The following TBC1D5 variants were observed in gnomAD, a reference collection of about 807,000 sequenced individuals.
TBC1D5 encodes the protein TBC1 domain family member 5, also known as TBC1 domain family, member 5.
TBC1D5 carries 75 observed loss-of-function variants against 100.3 expected under a neutral mutation model. The observed-to-expected ratio is 0.75, with a 90% CI of 0.62 to 0.91. The LOEUF (loss-of-function observed/expected upper bound fraction) is 0.91. Among genes scored for constraint, TBC1D5 ranks in the 40% least tolerant of loss-of-function variants. The probability of loss-of-function intolerance (pLI) is 0.00; values close to 1 mark genes in which losing one functional copy is unlikely to be tolerated. For missense variants in TBC1D5, 910 were observed against 942.4 expected (o/e 0.97, Z 0.45); for synonymous variants, 323 against 325.6 (o/e 0.99, Z 0.09).
At chr3:17,603,285 T>C (rs1375193405) in intron 2 of TBC1D5, among the ~76,000 whole-genome samples, 4 of 151,904 alleles carry the variant, frequency 2.6e-5, no homozygotes, top group Admixed American at 2.0e-4. Context: ...GACAGGAGTT[T>C]GGCAGGACTG....
At chr3:17,438,565 T>G (rs2094579614) in intron 3 of TBC1D5, among the ~76,000 whole-genome samples, 1 of 152,220 alleles carries the variant, frequency 6.6e-6, no homozygotes, top group Non-Finnish European at 1.5e-5. Flanking sequence ...ATGTTTGCTT[T>G]GCCTTCCACC....
chr3:17,180,122 C>T (rs1320823863), intron 19 of TBC1D5, among the ~76,000 whole-genome samples: 2 of 152,162 alleles, frequency 1.3e-5, no homozygotes, highest in Non-Finnish European at 2.9e-5. Context: ...GAAAAATCAA[C>T]ATGTAAAAAA....
chr3:17,539,725 A>G (rs541379089), intron 2 of TBC1D5, among the ~76,000 whole-genome samples: 1 of 152,322 alleles, frequency 6.6e-6, no homozygotes, highest in East Asian at 1.9e-4. Context: ...TCATTCAGAC[A>G]ATTAAGAAGC....
chr3:17,718,074 C>G (rs2153957110), intron 1 of TBC1D5, among the ~76,000 whole-genome samples: 1 of 152,254 alleles, frequency 6.6e-6, no homozygotes, highest in South Asian at 2.1e-4. Flanking sequence ...AGCGAAGGTG[C>G]CCTCCAACAC....
chr3:17,249,690 C>T (rs1323283577), intron 16 of TBC1D5, among the ~76,000 whole-genome samples: 1 of 152,170 alleles, frequency 6.6e-6, no homozygotes, highest in Non-Finnish European at 1.5e-5. Flanking sequence ...ATTACCCAGC[C>T]TCAGGTATTT....
chr3:17,448,368 T>A (rs2094846985), intron 3 of TBC1D5, among the ~76,000 whole-genome samples: 1 of 152,128 alleles, frequency 6.6e-6, no homozygotes, highest in African/African-American at 2.4e-5. Flanking sequence ...TTTGACCTCC[T>A]CCCATGAATC....
chr3:17,613,802 G>A (rs904494613), intron 2 of TBC1D5, among the ~76,000 whole-genome samples: 2 of 152,134 alleles, frequency 1.3e-5, no homozygotes, highest in African/African-American at 4.8e-5. Flanking sequence ...TGTCAGATGG[G>A]TGGAGTGTAA....
chr3:17,401,306 A>G (rs1476817378), intron 8 of TBC1D5, among the ~76,000 whole-genome samples: 1 of 125,422 alleles, frequency 8.0e-6, no homozygotes, highest in Non-Finnish European at 1.6e-5. Context: ...TGTATAATAC[A>G]CATATATATG....
intron 1 of TBC1D5, among the ~76,000 whole-genome samples, chr3:17,676,434 C>T (rs1354861919): frequency 6.6e-6 from 1 of 152,208 alleles, no homozygotes; most frequent in East Asian, 1.9e-4. Context: ...CCTAGGAATC[C>T]AACTTGCAAG....
chr3:17,494,855 C>T (rs1420154871), intron 3 of TBC1D5, among the ~76,000 whole-genome samples: 1 of 152,180 alleles, frequency 6.6e-6, no homozygotes. Flanking sequence ...AAGCAGCCAC[C>T]AAGAGTCTGC....
At chr3:17,647,899 T>C (rs1321776586) in intron 1 of TBC1D5, among the ~76,000 whole-genome samples, 1 of 152,066 alleles carries the variant, frequency 6.6e-6, no homozygotes, top group Admixed American at 6.6e-5. Context: ...GACAATGGTG[T>C]CTTGAAATGG....
chr3:17,740,654 T>G (rs1273298291), exon 1 of TBC1D5: 1 of 152,242 alleles, frequency 6.6e-6, no homozygotes, highest in East Asian at 1.9e-4. Flanking sequence ...GAACACCCAC[T>G]GTACGACTCT....
At chr3:17,615,978 T>C (rs1374719529) in intron 2 of TBC1D5, among the ~76,000 whole-genome samples, 1 of 152,212 alleles carries the variant, frequency 6.6e-6, no homozygotes, top group East Asian at 1.9e-4. Flanking sequence ...AATTGTGACG[T>C]TAGGGTGTCG....
At chr3:17,681,885 C>G (rs1173294051) in intron 1 of TBC1D5, among the ~76,000 whole-genome samples, 1 of 151,544 alleles carries the variant, frequency 6.6e-6, no homozygotes, top group Non-Finnish European at 1.5e-5. Flanking sequence ...TGAGCTCTGC[C>G]TCCTGTAAGA....
At chr3:17,348,738 A>T (rs2090212598) in intron 13 of TBC1D5, among the ~76,000 whole-genome samples, 1 of 152,202 alleles carries the variant, frequency 6.6e-6, no homozygotes, top group Non-Finnish European at 1.5e-5. Context: ...CATTCCTACC[A>T]GAGATACCTG....
chr3:17,532,051 C>T (rs1329547337), intron 2 of TBC1D5, among the ~76,000 whole-genome samples: 1 of 152,118 alleles, frequency 6.6e-6, no homozygotes, highest in African/African-American at 2.4e-5. Context: ...AAAAGGGAAC[C>T]TACAGAATGG....
At chr3:17,379,324 T>C (rs138272198) in intron 9 of TBC1D5, among the ~76,000 whole-genome samples, 1,777 of 152,184 alleles carry the variant, frequency 0.012, 14 homozygotes, top group Non-Finnish European at 0.017. Flanking sequence ...TTGCTGTCAG[T>C]GGGATGCCCT....
rs1485322912 is a variant in TBC1D5 at position 17,512,713 on chromosome 3, A to G, written c.-35-4108T>C. Among the ~76,000 whole-genome samples the G allele has an allele frequency of 2.0e-5, 3 of 152,356 alleles. No homozygotes were observed. In the East Asian group the frequency reaches 5.8e-4, roughly 29 times the overall value. ...CCTTCCTTTGTTACACTTACTGTAAATAACAATTTCTCCTATTCACATGAG... is the reference window on the plus strand; with the variant it reads ...CCTTCCTTTGTTACACTTACTGTAAGTAACAATTTCTCCTATTCACATGAG... On this transcript the variant is annotated intron_variant, in intron 2 of 21. Coordinates refer to ENST00000253692, the Ensembl canonical transcript of TBC1D5.
chr3:17,557,310 T>C (rs936221724), intron 2 of TBC1D5, among the ~76,000 whole-genome samples: 6 of 152,238 alleles, frequency 3.9e-5, no homozygotes, highest in African/African-American at 7.2e-5. Context: ...TAGGCTCCCT[T>C]TTCTCAGAGC....
Sources: gnomAD v4.1 joint callset for allele counts (sites outside exome capture counted in the v4.1 genomes callset) on GRCh38, gnomAD v4.1.1 for gene constraint, MANE v1.5 for transcripts, NCBI Gene and HGNC (gene_info 2026-07-23, HGNC 2026-07-21) for gene names.